Variants in JADE3 observed in about 807,000 individuals in gnomAD.
The protein encoded by JADE3 is jade family PHD finger 3.
Under a neutral mutation model 50.1 loss-of-function variants are expected in JADE3, and 2 were observed. That is an observed-to-expected ratio of 0.04 (90% CI 0.02 to 0.13). The LOEUF (loss-of-function observed/expected upper bound fraction) is 0.13, where lower values mean the gene tolerates loss of function less well. Among genes scored for constraint, JADE3 ranks in the 10% least tolerant of loss-of-function variants. JADE3 has a pLI of 1.00. For missense variants in JADE3, 475 were observed against 634.4 expected (o/e 0.75, Z 2.70); for synonymous variants, 218 against 232.9 (o/e 0.94, Z 0.58).
intron 1 of JADE3, among the ~76,000 whole-genome samples, chrX:46,950,992 T>C (rs971708582): frequency 4.1e-4 from 46 of 111,310 alleles, no homozygotes; most frequent in Non-Finnish European, 7.2e-4. Flanking sequence ...GATCATGATG[T>C]GCCTAGGTGT....
intron 1 of JADE3, among the ~76,000 whole-genome samples, chrX:46,977,701 G>A (rs1413221105): frequency 1.8e-5 from 2 of 111,952 alleles, no homozygotes; most frequent in Non-Finnish European, 3.8e-5. Flanking sequence ...ATGATTTATT[G>A]AGGAGTGTTC....
intron 4 of JADE3, among the ~76,000 whole-genome samples, chrX:47,016,947 T>C (rs1171058194): frequency 8.9e-6 from 1 of 112,161 alleles, no homozygotes; most frequent in Non-Finnish European, 1.9e-5. Flanking sequence ...CTTTAGCATC[T>C]TATTTCCTAA....
intron 3 of JADE3, among the ~76,000 whole-genome samples, chrX:46,989,073 C>T (rs782280359): frequency 9.0e-6 from 1 of 111,329 alleles, no homozygotes; most frequent in Admixed American, 9.5e-5. Flanking sequence ...CTCCTGACCT[C>T]GTGATCCACC....
At chrX:47,049,932 C>T (rs1394530318) in intron 8 of JADE3, among the ~76,000 whole-genome samples, 1 of 106,345 alleles carries the variant, frequency 9.4e-6, no homozygotes, top group African/African-American at 3.4e-5. Flanking sequence ...CGGCACTCTT[C>T]TTCTTTTTTT....
intron 1 of JADE3, among the ~76,000 whole-genome samples, chrX:46,925,653 C>T (rs782656777): frequency 1.8e-5 from 2 of 109,797 alleles, no homozygotes; most frequent in Non-Finnish European, 3.8e-5. Flanking sequence ...AACCCGGTCT[C>T]TACTAAAAAT....
At chrX:46,913,368 C>T (rs919950544) in intron 1 of JADE3, among the ~76,000 whole-genome samples, 8 of 111,027 alleles carry the variant, frequency 7.2e-5, no homozygotes, top group South Asian at 3.8e-4. Flanking sequence ...ACTTTCCCTC[C>T]CACTGGCGGC....
At chrX:46,999,094 G>T (rs1556358226) in intron 4 of JADE3, among the ~76,000 whole-genome samples, 1 of 110,963 alleles carries the variant, frequency 9.0e-6, no homozygotes, top group Non-Finnish European at 1.9e-5. Flanking sequence ...TTTATACTGT[G>T]TTATAACATG....
intron 1 of JADE3, among the ~76,000 whole-genome samples, chrX:46,924,413 G>A (rs890942950): frequency 8.9e-6 from 1 of 112,135 alleles, no homozygotes; most frequent in Non-Finnish European, 1.9e-5. Context: ...TGGGATTGTG[G>A]GACAGTGGTT....
chrX:47,001,430 A>G (rs1279463646), intron 4 of JADE3, among the ~76,000 whole-genome samples: 1 of 111,940 alleles, frequency 8.9e-6, no homozygotes, highest in Non-Finnish European at 1.9e-5. Flanking sequence ...TCCTGAATTT[A>G]ATGGAAATCT....
chrX:46,960,432 C>T (rs372325291), intron 1 of JADE3, among the ~76,000 whole-genome samples: 4 of 111,754 alleles, frequency 3.6e-5, no homozygotes, highest in East Asian at 5.6e-4. Context: ...TGCTTTATTT[C>T]TTGAAGTCTA....
chrX:47,044,741 A>G (rs1300054105), intron 8 of JADE3, among the ~76,000 whole-genome samples: 1 of 112,286 alleles, frequency 8.9e-6, no homozygotes, highest in African/African-American at 3.2e-5. Flanking sequence ...CATGGACAGT[A>G]TAATAAGATG....
At chrX:46,957,498 T>G (rs1927159816) in intron 1 of JADE3, among the ~76,000 whole-genome samples, 1 of 112,330 alleles carries the variant, frequency 8.9e-6, no homozygotes, top group South Asian at 3.7e-4. Flanking sequence ...CCCTGTGACT[T>G]GCTTTGGTCA....
At chrX:47,055,772 G>A (rs1202661252) in intron 9 of JADE3, among the ~76,000 whole-genome samples, 3 of 112,365 alleles carry the variant, frequency 2.7e-5, no homozygotes, top group East Asian at 2.8e-4. Flanking sequence ...AGGGAAGGCT[G>A]AATTGTTAAA....
intron 1 of JADE3, among the ~76,000 whole-genome samples, chrX:46,983,159 T>G (rs200566325): frequency 8.9e-6 from 1 of 112,231 alleles, no homozygotes; most frequent in East Asian, 2.8e-4. Context: ...TCTGGCATAT[T>G]AGGCAGCCTA....
At chrX:46,950,116 T>C (rs1020559992) in intron 1 of JADE3, among the ~76,000 whole-genome samples, 10 of 112,512 alleles carry the variant, frequency 8.9e-5, no homozygotes, top group African/African-American at 2.6e-4. Context: ...GTTTCACTTA[T>C]GTAAAATTAT....
At chrX:46,962,483 G>A (rs1317197208) in intron 1 of JADE3, among the ~76,000 whole-genome samples, 1 of 111,408 alleles carries the variant, frequency 9.0e-6, no homozygotes, top group Non-Finnish European at 1.9e-5. Context: ...TAGGTAGAGA[G>A]ACCTAATACT....
chrX:47,059,090 A>G lies in JADE3; in HGVS notation c.*13A>G. 8.7e-7 allele frequency: 1 copy of G among 1,146,519 alleles called. No individual in the cohort carries two copies. Among genetic ancestry groups the G allele is most frequent in the East Asian group, 3.0e-5 (1 of 33,412 alleles). The allele number at this position is 1,146,519 out of a possible 1,213,427, so 94.5% of individuals were successfully genotyped here. Reference sequence around the variant, plus strand: ...AATGCAAAGGTGATTAGAAACTTCCAAGGATGACCCAACCTTTGCCTTTGC... The same window carrying G: ...AATGCAAAGGTGATTAGAAACTTCCGAGGATGACCCAACCTTTGCCTTTGC... On this transcript the variant is annotated 3_prime_UTR_variant, in exon 11 of 11. Coordinates refer to ENST00000614628, the MANE Select transcript of JADE3 (RefSeq NM_014735.5).
intron 1 of JADE3, among the ~76,000 whole-genome samples, chrX:46,953,560 G>C (rs1556345787): frequency 9.0e-6 from 1 of 111,557 alleles, no homozygotes; most frequent in East Asian, 2.8e-4. Context: ...AGTCTTCACT[G>C]ATATTTTAAT....
Position 47,058,252 on chromosome X carries a change from C to T in JADE3, c.1647C>T (p.Thr549=). The change falls in exon 11 of 11, where the codon ACC becomes ACT. Residue 549 remains threonine (T), a synonymous_variant. Coordinates refer to ENST00000614628, the MANE Select transcript of JADE3 (RefSeq NM_014735.5). ...TGAAGTTAAAAATGCCCAAATCAAC[C>T]CCAGAAGACCACAGAAACAGCTCCA... is the stretch of plus-strand genomic sequence containing the variant. The part of the protein sequence containing the change: ...ITLKLKMPKS[T]PEDHRNSSTE... 5.0e-6 allele frequency: 6 copies of T among 1,210,027 alleles called. No homozygotes were observed. Among genetic ancestry groups the T allele is most frequent in the Non-Finnish European group, 5.6e-6 (5 of 894,501 alleles).
Sources: gnomAD v4.1 joint callset for allele counts (sites outside exome capture counted in the v4.1 genomes callset) on GRCh38, gnomAD v4.1.1 for gene constraint, MANE v1.5 for transcripts, NCBI Gene and HGNC (gene_info 2026-07-23, HGNC 2026-07-21) for gene names.